NPR2: variants seen among roughly 807,000 people sequenced by gnomAD.
NPR2 encodes natriuretic peptide receptor 2.
In NPR2, 49 loss-of-function variants were observed where a neutral mutation model predicts 120.7. That is an observed-to-expected ratio of 0.41 (90% CI 0.32 to 0.52). The LOEUF is 0.52. Ranked by LOEUF, NPR2 falls within the 20% of genes least tolerant of loss-of-function variation. NPR2 has a pLI of 0.36. For synonymous variants in NPR2, 484 were observed against 519.8 expected (o/e 0.93, Z 0.94); for missense variants, 931 against 1,362.9 (o/e 0.68, Z 4.99).
intron 2 of NPR2, among the ~76,000 whole-genome samples, chr9:35,794,386 T>C (rs1827883667): frequency 6.6e-6 from 1 of 152,222 alleles, no homozygotes. Flanking sequence ...GGAGAAAAGT[T>C]CAGGAAGAGA....
rs1318399230 is a variant in NPR2 at position 35,805,817 on chromosome 9, T to G, written c.2048-13T>G. 6.2e-7 allele frequency: 1 copy of G among 1,614,012 alleles called. No homozygotes were observed. Among genetic ancestry groups the G allele is most frequent in the Non-Finnish European group, 8.5e-7 (1 of 1,179,948 alleles). On this transcript the variant is annotated splice_polypyrimidine_tract_variant and intron_variant, in intron 13 of 21. Coordinates refer to ENST00000342694, the MANE Select transcript of NPR2 (RefSeq NM_003995.4). This position sits in a 1 kb window ranked among gnomAD's most constrained non-coding sequence, Gnocchi z 4.9. ...ATTTCGGGGGACCTGGCCAGCCGGT[T>G]TCCTCTTTTCAGAGAAGCTGTGGAC... is the stretch of plus-strand genomic sequence containing the variant.
Position 35,805,815 on chromosome 9 carries a change from G to C in NPR2, c.2048-15G>C. 1 of 1,613,966 alleles carries C rather than the reference G, an allele frequency of 6.2e-7. No homozygotes were observed. Among genetic ancestry groups the C allele is most frequent in the Non-Finnish European group, 8.5e-7 (1 of 1,179,954 alleles). On this transcript the variant is annotated splice_polypyrimidine_tract_variant and intron_variant, in intron 13 of 21. Transcript: ENST00000342694. The surrounding 1 kb of genome is among the most constrained non-coding windows in gnomAD (Gnocchi z 4.9). ...CCATTTCGGGGGACCTGGCCAGCCGGTTTCCTCTTTTCAGAGAAGCTGTGG... is the reference window on the plus strand; with the variant it reads ...CCATTTCGGGGGACCTGGCCAGCCGCTTTCCTCTTTTCAGAGAAGCTGTGG...
chr9:35,792,470 G>T lies in NPR2; in HGVS notation c.62G>T (p.Gly21Val). 1 of 1,610,970 alleles carries T rather than the reference G, an allele frequency of 6.2e-7. No homozygotes were observed. ...CTGGCAGGTGGGGTGCGTCCTCCCG[G>T]GGCGCGGAACCTGACGCTGGCGGTG... is the stretch of plus-strand genomic sequence containing the variant. ...AALAGGVRPP[G>V]ARNLTLAVVL... The change falls in exon 1 of 22, where the codon GGG (glycine) becomes GTG (valine). Residue 21 changes from glycine to valine, a missense_variant. Gly to Val is a moderately radical substitution (Grantham distance 109). Coordinates refer to ENST00000342694, the MANE Select transcript of NPR2 (RefSeq NM_003995.4).
In NPR2 at chr9:35,800,158, G is replaced by C; in HGVS notation, c.1123+1G>C. On this transcript the variant is annotated splice_donor_variant, in intron 4 of 21. Transcript: ENST00000342694. LOFTEE classifies it high-confidence loss of function. The surrounding 1 kb of genome is among the most constrained non-coding windows in gnomAD (Gnocchi z 4.7). ...AAGATGCAGGGACGAAGATATCACG[G>C]TAATGAAGAGGGGTCAATGGGGGTC... 1.9e-6 allele frequency: 3 copies of C among 1,613,158 alleles called. No individual in the cohort carries two copies. Among genetic ancestry groups the C allele is most frequent in the Non-Finnish European group, 2.5e-6 (3 of 1,179,086 alleles).
In NPR2 at chr9:35,800,034, G is replaced by C; in HGVS notation, c.1000G>C (p.Ala334Pro). 6.2e-7 allele frequency: 1 copy of C among 1,614,060 alleles called. No individual in the cohort carries two copies. The highest frequency in any genetic ancestry group is 1.1e-5 in the South Asian group (1 of 91,080). The change falls in exon 4 of 22, where the codon GCT becomes CCT. Residue 334 changes from alanine to proline, a missense_variant. This residue lies in a region of NPR2 where 681 missense variants were observed against 974.3 expected (regional missense o/e 0.70). Transcript: ENST00000342694. This position sits in a 1 kb window ranked among gnomAD's most constrained non-coding sequence, Gnocchi z 4.7. ...ELGPSLMNLI[A>P]GCFYDGILLY... ...TTGCCACCCCCAGATGAACCTCATC[G>C]CTGGCTGCTTCTATGATGGGATCCT...
rs1415467415 is a variant in NPR2, at chr9:35,808,502, C to T, written c.2713-7C>T. ...AGAGGTGACCTTTTAATCCCCCTCT[C>T]AATCAGGTGGAGACGATTGGGGATG... On this transcript the variant is annotated splice_polypyrimidine_tract_variant and splice_region_variant and intron_variant, in intron 18 of 21. Transcript: ENST00000342694. This position sits in a 1 kb window ranked among gnomAD's most constrained non-coding sequence, Gnocchi z 4.0. 6.2e-7 allele frequency: 1 copy of T among 1,613,904 alleles called. No individual in the cohort carries two copies.
At chr9:35,799,450 A>G (rs1482595123) in intron 2 of NPR2, among the ~76,000 whole-genome samples, 168 bp from the exon 3 acceptor site, 1 of 151,990 alleles carries the variant, frequency 6.6e-6, no homozygotes, top group Non-Finnish European at 1.5e-5. Context: ...ACACACGCAC[A>G]CACACACGCA....
In NPR2 at chr9:35,792,706, G is replaced by A. The variant is rs753644648; in HGVS notation, c.298G>A (p.Gly100Ser). The A allele has an allele frequency of 1.9e-6, 3 of 1,614,140 alleles. No homozygotes were observed. Among genetic ancestry groups the A allele is most frequent in the Non-Finnish European group, 2.5e-6 (3 of 1,180,032 alleles). ...YHDPDLLLGPGCVYPAASVAR... is the reference protein window; with the variant it reads ...YHDPDLLLGPSCVYPAASVAR... ...TGACCCCGACCTGCTGTTAGGTCCC[G>A]GTTGCGTGTACCCTGCTGCCTCTGT... The change falls in exon 1 of 22, where the codon GGT becomes AGT. Residue 100 changes from glycine to serine, a missense_variant. Physicochemically the swap from Gly to Ser is moderately conservative, Grantham distance 56. This residue lies in a region of NPR2 where 681 missense variants were observed against 974.3 expected (regional missense o/e 0.70). Coordinates refer to ENST00000342694, the MANE Select transcript of NPR2 (RefSeq NM_003995.4).
intron 2 of NPR2, among the ~76,000 whole-genome samples, chr9:35,798,490 T>C (rs1482948076): frequency 6.6e-6 from 1 of 152,230 alleles, no homozygotes; most frequent in East Asian, 1.9e-4. Flanking sequence ...AAATCGACTT[T>C]ATTATTTCCT....
In NPR2 at chr9:35,808,507, A is replaced by AGGGGGATTG; in HGVS notation, c.2713_2714insGGGATTGGG. The AGGGGGATTG allele has an allele frequency of 6.2e-7, 1 of 1,613,874 alleles. No homozygotes were observed. The highest frequency in any genetic ancestry group is 8.5e-7 in the Non-Finnish European group (1 of 1,179,910). On this transcript the variant is annotated splice_acceptor_variant, in intron 18 of 21. Coordinates refer to ENST00000342694, the MANE Select transcript of NPR2 (RefSeq NM_003995.4). LOFTEE classifies it high-confidence loss of function. This position sits in a 1 kb window ranked among gnomAD's most constrained non-coding sequence, Gnocchi z 4.0. ...TGACCTTTTAATCCCCCTCTCAATC[A>AGGGGGATTG]GGTGGAGACGATTGGGGATGCTTAC...
chr9:35,792,331 C>T lies in NPR2; in HGVS notation c.-78C>T. 2.0e-6 allele frequency: 3 copies of T among 1,473,914 alleles called. No individual in the cohort carries two copies. The highest frequency in any genetic ancestry group is 2.7e-6 in the Non-Finnish European group (3 of 1,092,758). The allele number at this position is 1,473,914 out of a possible 1,614,324, so 91.3% of individuals were successfully genotyped here. A position where few individuals can be genotyped will look rare whatever the true frequency, so the allele number is the denominator to read the frequency against. ...CTGGCCCTCTTCCCCAGGCTCCAGG[C>T]TGGGGGGTGCTCGCGTCTCCCCTGT... On this transcript the variant is annotated 5_prime_UTR_variant, in exon 1 of 22. Transcript: ENST00000342694.
At chr9:35,804,760 G>C (rs111751843) in intron 12 of NPR2, among the ~76,000 whole-genome samples, 1 of 142,494 alleles carries the variant, frequency 7.0e-6, no homozygotes, top group Non-Finnish European at 1.5e-5. Flanking sequence ...CCTCTACCCC[G>C]ACCTGCCCAC....
intron 18 of NPR2, chr9:35,807,919 T>C: frequency 4.0e-6 from 2 of 498,750 alleles, no homozygotes; most frequent in Non-Finnish European, 7.1e-6. Flanking sequence ...ATCTGTAAGA[T>C]GGGAATAATA....
chr9:35,809,453 T>C lies in NPR2; in HGVS notation c.*8T>C, dbSNP rs1370208213. On this transcript the variant is annotated 3_prime_UTR_variant, in exon 22 of 22. Transcript: ENST00000342694. The surrounding 1 kb of genome is among the most constrained non-coding windows in gnomAD (Gnocchi z 4.1). The stretch of plus-strand genomic sequence containing the variant: ...CCTCCTGGACTCCTGTAAACCCCCA[T>C]TCTTTCCAAGTCAGATAGTCTTCTG... 1.2e-6 allele frequency: 2 copies of C among 1,614,048 alleles called. No homozygotes were observed. Among genetic ancestry groups the C allele is most frequent in the African/African-American group, 1.3e-5 (1 of 74,920 alleles).
chr9:35,804,341 C>A (rs1828284978), intron 12 of NPR2, among the ~76,000 whole-genome samples: 1 of 151,772 alleles, frequency 6.6e-6, no homozygotes, highest in African/African-American at 2.4e-5. Context: ...TCAAGTGATT[C>A]TCCCATCTTA....
chr9:35,804,780 G>C (rs1828304672), intron 12 of NPR2, among the ~76,000 whole-genome samples: 1 of 143,706 alleles, frequency 7.0e-6, no homozygotes, highest in African/African-American at 2.6e-5. Flanking sequence ...CCTCCCTCTA[G>C]TAGATCTTGT....
rs1828591248 is a variant in NPR2, at chr9:35,809,000, A to G, written c.2986+147A>G. 1 of 941,598 alleles carries G rather than the reference A, an allele frequency of 1.1e-6. No homozygotes were observed. Among genetic ancestry groups the G allele is most frequent in the Non-Finnish European group, 1.7e-6 (1 of 573,672 alleles). The allele number at this position is 941,598 out of a possible 1,614,324, so 58.3% of individuals were successfully genotyped here. A position where few individuals can be genotyped will look rare whatever the true frequency, so the allele number is the denominator to read the frequency against. The stretch of plus-strand genomic sequence containing the variant: ...CATATTTTGGTTCTAATAGATATGC[A>G]TTGGGAGGTTGGGCATATTTTGGTC... On this transcript the variant is annotated intron_variant, in intron 20 of 21. Transcript: ENST00000342694. The surrounding 1 kb of genome is among the most constrained non-coding windows in gnomAD (Gnocchi z 4.0).
chr9:35,807,270 T>A, intron 17 of NPR2, 60 bp from the exon 18 acceptor site: 1 of 1,521,576 alleles, frequency 6.6e-7, no homozygotes, highest in African/African-American at 1.4e-5. Flanking sequence ...GCTTGTGGGT[T>A]AAGAATTCTT....
Position 35,802,097 on chromosome 9 carries a change from C to T in NPR2, c.1632+97C>T, listed in dbSNP as rs1828190485. The T allele has an allele frequency of 1.5e-6, 2 of 1,343,906 alleles. No individual in the cohort carries two copies. The highest frequency in any genetic ancestry group is 2.1e-6 in the Non-Finnish European group (2 of 933,772). 83.2% of individuals were successfully genotyped at this position (1,343,906 alleles called of 1,614,324 possible). A position where few individuals can be genotyped will look rare whatever the true frequency, so the allele number is the denominator to read the frequency against. The stretch of plus-strand genomic sequence containing the variant: ...CTGAACCTCTGTCCCTCATACCCGA[C>T]TCTCTGTGCCCAGCTGAGCTCCTGG... On this transcript the variant is annotated intron_variant, in intron 9 of 21. Transcript: ENST00000342694. The surrounding 1 kb of genome is among the most constrained non-coding windows in gnomAD (Gnocchi z 4.2).
Sources: allele counts gnomAD v4.1 joint callset (sites outside exome capture counted in the v4.1 genomes callset), GRCh38; gene constraint gnomAD v4.1.1; regional missense constraint gnomAD v4.1.1; non-coding constraint Gnocchi (gnomAD v3.1); transcripts MANE v1.5; gene names NCBI Gene and HGNC (gene_info 2026-07-23, HGNC 2026-07-21).